The following BRD10 variants were observed in gnomAD, a reference collection of about 807,000 sequenced individuals.
BRD10 encodes the protein uncharacterized bromodomain-containing protein 10.
the BRD10 span, among the ~76,000 whole-genome samples, chr9:5,983,115 A>G: frequency 6.6e-6 from 1 of 152,178 alleles, no homozygotes; most frequent in African/African-American, 2.4e-5. Flanking sequence ...TGACCAGAAT[A>G]TTAATAAGGT....
the BRD10 span, chr9:5,969,583 C>T: frequency 5.5e-5 from 35 of 631,248 alleles, no homozygotes; most frequent in South Asian, 8.1e-4. Flanking sequence ...TCGCTCTGTC[C>T]CCCAGGCTGT....
the BRD10 span, among the ~76,000 whole-genome samples, chr9:5,906,331 AAAAAAAAAAAAGAAAAGAAAAGAAAAG>A: frequency 0.036 from 835 of 23,032 alleles, 9 homozygotes; most frequent in African/African-American, 0.076. Flanking sequence ...CTCTGTCTCA[AAAAAAAAAAAAGAAAAGAAAAGAAAAG>A]AAAAAAAAAG....
the BRD10 span, among the ~76,000 whole-genome samples, chr9:5,993,770 T>C: frequency 6.6e-6 from 1 of 152,318 alleles, no homozygotes; most frequent in East Asian, 1.9e-4. Context: ...GGTCAAGGCA[T>C]ACCAGTTTGA....
At chr9:6,002,327 A>C in the BRD10 span, among the ~76,000 whole-genome samples, 1 of 152,220 alleles carries the variant, frequency 6.6e-6, no homozygotes, top group Non-Finnish European at 1.5e-5. Context: ...AAGAATGGCT[A>C]CTATAATAAA....
At chr9:5,962,103 C>T in the BRD10 span, among the ~76,000 whole-genome samples, 206 of 152,202 alleles carry the variant, frequency 1.4e-3, no homozygotes, top group Middle Eastern at 3.4e-3. Flanking sequence ...CCTGCTTTCT[C>T]TTGTGGGCAT....
chr9:6,008,036 T>TC, the BRD10 span: 110 of 1,137,246 alleles, frequency 9.7e-5, no homozygotes, highest in South Asian at 7.1e-4. Context: ...TCCTCTCCCC[T>TC]CCCCCCCGGC....
At chr9:5,911,433 C>A in the BRD10 span, among the ~76,000 whole-genome samples, 1 of 144,502 alleles carries the variant, frequency 6.9e-6, no homozygotes, top group South Asian at 2.2e-4. Flanking sequence ...AATGCCAGTA[C>A]CATGATGTTT....
chr9:5,950,713 C>T, the BRD10 span, among the ~76,000 whole-genome samples: 8 of 152,084 alleles, frequency 5.3e-5, no homozygotes, highest in Admixed American at 1.3e-4. Flanking sequence ...AGTCGTCCCT[C>T]GGTATCCGTG....
At chr9:6,000,555 G>A in the BRD10 span, among the ~76,000 whole-genome samples, 1 of 152,104 alleles carries the variant, frequency 6.6e-6, no homozygotes, top group Non-Finnish European at 1.5e-5. Context: ...CAAATATAAG[G>A]AGAAACAAAC....
chr9:5,936,403 T>C, the BRD10 span, among the ~76,000 whole-genome samples: 1 of 152,172 alleles, frequency 6.6e-6, no homozygotes. Flanking sequence ...TGTCAGTAAA[T>C]CTGCCTTAAA....
the BRD10 span, chr9:5,907,038 C>A: frequency 8.0e-7 from 1 of 1,256,882 alleles, no homozygotes; most frequent in Non-Finnish European, 1.1e-6. Flanking sequence ...TCATGAATGG[C>A]TGTTTTTAAC....
the BRD10 span, among the ~76,000 whole-genome samples, chr9:6,002,409 C>G: frequency 6.6e-6 from 1 of 151,924 alleles, no homozygotes; most frequent in African/African-American, 2.4e-5. Context: ...GATTCTATTA[C>G]CAAAGATCCC....
the BRD10 span, among the ~76,000 whole-genome samples, chr9:5,896,703 G>A: frequency 2.6e-5 from 4 of 152,158 alleles, no homozygotes; most frequent in African/African-American, 4.8e-5. Context: ...ATGCTTGCCC[G>A]GAGTGAACAG....
chr9:5,929,199 T>A, the BRD10 span: 1 of 1,019,450 alleles, frequency 9.8e-7, no homozygotes, highest in Non-Finnish European at 1.5e-6. Context: ...AGATTTATTC[T>A]AAAAGTAAAT....
At chr9:5,946,052 A>C in the BRD10 span, among the ~76,000 whole-genome samples, 1 of 152,108 alleles carries the variant, frequency 6.6e-6, no homozygotes, top group Non-Finnish European at 1.5e-5. Flanking sequence ...CAATAAAAGC[A>C]AAAGTGGGTC....
the BRD10 span, among the ~76,000 whole-genome samples, chr9:5,953,678 T>C: frequency 2.0e-5 from 3 of 151,630 alleles, no homozygotes; most frequent in Non-Finnish European, 2.9e-5. Context: ...TTTGCTTTTA[T>C]GTATTATATA....
At chr9:5,969,662 G>C in the BRD10 span, among the ~76,000 whole-genome samples, 2 of 152,062 alleles carry the variant, frequency 1.3e-5, no homozygotes, top group Non-Finnish European at 2.9e-5. Flanking sequence ...TCCTGCCTCA[G>C]CCTCCCAAGT....
At chr9:5,992,146 C>T in the BRD10 span, among the ~76,000 whole-genome samples, 1 of 152,184 alleles carries the variant, frequency 6.6e-6, no homozygotes, top group African/African-American at 2.4e-5. Flanking sequence ...TGTCACTTAT[C>T]ACTACACTGC....
At chr9:5,984,540 T>G in the BRD10 span, among the ~76,000 whole-genome samples, 1 of 152,170 alleles carries the variant, frequency 6.6e-6, no homozygotes, top group South Asian at 2.1e-4. Context: ...AGGGACATAA[T>G]AAGAAAGAAG....
Sources: gnomAD v4.1 joint callset for allele counts (sites outside exome capture counted in the v4.1 genomes callset) on GRCh38, gnomAD v4.1.1 for gene constraint, MANE v1.5 for transcripts, NCBI Gene and HGNC (gene_info 2026-07-23, HGNC 2026-07-21) for gene names.